The following GABRB2 variants were observed in gnomAD, a reference collection of about 807,000 sequenced individuals.
The protein encoded by GABRB2 is gamma-aminobutyric acid receptor subunit beta-2.
GABRB2 carries 16 observed loss-of-function variants against 54.7 expected under a neutral mutation model. The ratio of observed to expected loss-of-function variants is 0.29; its 90% confidence interval spans 0.20 to 0.44. GABRB2 has a LOEUF of 0.44. GABRB2 is among the 20% of genes least tolerant of loss of function. The pLI is 1.00. For synonymous variants in GABRB2, 244 were observed against 233.8 expected (o/e 1.04, Z -0.40); for missense variants, 355 against 644.0 (o/e 0.55, Z 4.86).
intron 3 of GABRB2, among the ~76,000 whole-genome samples, chr5:161,461,124 C>A (rs1365172065): frequency 6.6e-6 from 1 of 152,148 alleles, no homozygotes. Flanking sequence ...TAGATTGTTA[C>A]AAAGTGGCTA....
At chr5:161,538,987 C>T (rs1444181676) in intron 3 of GABRB2, among the ~76,000 whole-genome samples, 1 of 152,144 alleles carries the variant, frequency 6.6e-6, no homozygotes, top group African/African-American at 2.4e-5. Flanking sequence ...GCTGGTGATG[C>T]AAGAAAACAT....
intron 3 of GABRB2, among the ~76,000 whole-genome samples, chr5:161,475,201 T>C (rs561925458): frequency 6.3e-4 from 96 of 152,160 alleles, no homozygotes; most frequent in African/African-American, 2.2e-3. Flanking sequence ...CTCTGTAACA[T>C]GTCCCAAGAT....
At position 161,423,915 on chromosome 5, in the gene GABRB2, T is replaced by C. The variant is rs557077269; in HGVS notation, c.459-12858A>G. On this transcript the variant is annotated intron_variant, in intron 4 of 9. Transcript: ENST00000393959. ...ATGATAAGAAAGCATAACAACATTA[T>C]CGCTGATGTGGAGAAAGTTTTAGTG... is the stretch of plus-strand genomic sequence containing the variant. Among the ~76,000 whole-genome samples the C allele has an allele frequency of 1.8e-4, 28 of 152,294 alleles. No individual in the cohort carries two copies. In the South Asian group the frequency reaches 5.8e-3, roughly 32 times the overall value.
At chr5:161,331,212 T>C (rs1753828291) in intron 7 of GABRB2, 85 bp from the exon 8 acceptor site, 1 of 1,435,690 alleles carries the variant, frequency 7.0e-7, no homozygotes, top group Non-Finnish European at 9.4e-7. Flanking sequence ...TCTATATTCA[T>C]TTTCTCATTC....
intron 3 of GABRB2, among the ~76,000 whole-genome samples, chr5:161,470,898 A>T (rs998156082): frequency 6.6e-6 from 1 of 152,000 alleles, no homozygotes; most frequent in South Asian, 2.1e-4. Context: ...CTTATCTTTA[A>T]CACAGGTGAC....
At position 161,293,529 on chromosome 5, in the gene GABRB2, T is replaced by A. The variant is rs1757291503; in HGVS notation, c.*552A>T. 1 of 152,586 alleles carries A rather than the reference T, an allele frequency of 6.6e-6. No individual in the cohort carries two copies. Among genetic ancestry groups the A allele is most frequent in the Non-Finnish European group, 1.5e-5 (1 of 68,310 alleles). 9.5% of individuals were successfully genotyped at this position (152,586 alleles called of 1,614,324 possible). A position where few individuals can be genotyped will look rare whatever the true frequency, so the allele number is the denominator to read the frequency against. On this transcript the variant is annotated 3_prime_UTR_variant, in exon 10 of 10. Transcript: ENST00000393959. ...TCGGTTTCCTGAGTCTCTGTCTTGA[T>A]TCCCCTAGCCTGCTCAAATCACAAG...
intron 3 of GABRB2, among the ~76,000 whole-genome samples, chr5:161,482,989 A>T (rs1468108436): frequency 6.6e-6 from 1 of 152,036 alleles, no homozygotes; most frequent in Non-Finnish European, 1.5e-5. Context: ...GTCATGATCA[A>T]ATGTGTCAGG....
At chr5:161,512,893 A>T (rs1010215839) in intron 3 of GABRB2, among the ~76,000 whole-genome samples, 3 of 151,848 alleles carry the variant, frequency 2.0e-5, no homozygotes, top group East Asian at 3.9e-4. Context: ...CTGGGCAAAA[A>T]ATATGTTCAG....
intron 5 of GABRB2, among the ~76,000 whole-genome samples, chr5:161,397,755 G>T (rs781231738): frequency 6.6e-6 from 1 of 152,192 alleles, no homozygotes; most frequent in South Asian, 2.1e-4. Context: ...GTGCTCGTAT[G>T]ACTTAAGCAT....
Position 161,416,978 on chromosome 5 carries a change from G to T in GABRB2, c.459-5921C>A, listed in dbSNP as rs935669973. 3.3e-5 allele frequency among the ~76,000 whole-genome samples: 5 copies of T among 151,988 alleles called. No individual in the cohort carries two copies. The South Asian group carries it at 6.2e-4, about 19-fold the overall frequency. On this transcript the variant is annotated intron_variant, in intron 4 of 9. Transcript: ENST00000393959. ...AACTAATATAAAAACTTCAGCTAGT[G>T]GGGGGAAAGATCTAATTGCTGAATT...
intron 5 of GABRB2, among the ~76,000 whole-genome samples, chr5:161,344,187 A>AT (rs1279987076): frequency 6.6e-6 from 1 of 152,008 alleles, no homozygotes; most frequent in Non-Finnish European, 1.5e-5. Context: ...GCATTAAAAT[A>AT]TTTTTTCCTA....
chr5:161,471,890 A>C (rs1051538741), intron 3 of GABRB2, among the ~76,000 whole-genome samples: 1 of 151,944 alleles, frequency 6.6e-6, no homozygotes, highest in African/African-American at 2.4e-5. Context: ...TCTGTACCCA[A>C]TGTTAATACT....
At chr5:161,447,059 C>T (rs769356004) in intron 4 of GABRB2, among the ~76,000 whole-genome samples, 5 of 152,084 alleles carry the variant, frequency 3.3e-5, no homozygotes, top group Non-Finnish European at 5.9e-5. Flanking sequence ...ATAATAGCAA[C>T]CAATCTTTAC....
chr5:161,442,672 A>T (rs921828025), intron 4 of GABRB2, among the ~76,000 whole-genome samples: 4 of 152,190 alleles, frequency 2.6e-5, no homozygotes, highest in Non-Finnish European at 5.9e-5. Flanking sequence ...TACCTGGGTC[A>T]GGTTGCAAAG....
chr5:161,427,024 C>T (rs1487060794), intron 4 of GABRB2, among the ~76,000 whole-genome samples: 2 of 152,064 alleles, frequency 1.3e-5, no homozygotes, highest in East Asian at 1.9e-4. Flanking sequence ...CCAATAATTC[C>T]CCATCCTGGT....
In GABRB2 at chr5:161,453,363, A is replaced by G. The variant is rs534958254; in HGVS notation, c.458+6261T>C. On this transcript the variant is annotated intron_variant, in intron 4 of 9. Transcript: ENST00000393959. Reference sequence around the variant, plus strand: ...GTGATTGTCTGTGTCCCACAAATTCATGAGTTGAACCTAATTTCCAATGTA... The same window carrying G: ...GTGATTGTCTGTGTCCCACAAATTCGTGAGTTGAACCTAATTTCCAATGTA... Among the ~76,000 whole-genome samples the G allele has an allele frequency of 2.0e-5, 3 of 152,316 alleles. No homozygotes were observed. In the East Asian group the frequency reaches 5.8e-4, roughly 29 times the overall value.
At chr5:161,426,942 AG>A (rs757294228) in intron 4 of GABRB2, among the ~76,000 whole-genome samples, 17 of 152,186 alleles carry the variant, frequency 1.1e-4, no homozygotes, top group Non-Finnish European at 2.4e-4. Context: ...ACAAGCTGGA[AG>A]ATGGGAATAG....
intron 5 of GABRB2, among the ~76,000 whole-genome samples, chr5:161,390,474 G>A (rs955267014): frequency 6.6e-6 from 1 of 151,946 alleles, no homozygotes; most frequent in Non-Finnish European, 1.5e-5. Context: ...TTGGATTCAT[G>A]AACAGAAAAA....
intron 5 of GABRB2, among the ~76,000 whole-genome samples, chr5:161,349,171 C>T (rs997524501): frequency 6.6e-6 from 1 of 151,934 alleles, no homozygotes; most frequent in Admixed American, 6.6e-5. Flanking sequence ...AAAGCCTTGA[C>T]CAATATTTAT....
Sources: gnomAD v4.1 joint callset for allele counts (sites outside exome capture counted in the v4.1 genomes callset) on GRCh38, gnomAD v4.1.1 for gene constraint, MANE v1.5 for transcripts, NCBI Gene and HGNC (gene_info 2026-07-23, HGNC 2026-07-21) for gene names.